ADAMTSL1: variants seen among roughly 807,000 people sequenced by gnomAD.
ADAMTSL1 encodes ADAMTS like 1.
In ADAMTSL1, 126 loss-of-function variants were observed where a neutral mutation model predicts 201.8. The ratio of observed to expected loss-of-function variants is 0.62; its 90% CI spans 0.54 to 0.72. The LOEUF is 0.72. Among genes scored for constraint, ADAMTSL1 ranks in the 30% least tolerant of loss-of-function variants. ADAMTSL1 has a pLI of 0.00. For synonymous variants in ADAMTSL1, 1,121 were observed against 903.4 expected (o/e 1.24, Z -4.32); for missense variants, 2,679 against 2,277.8 (o/e 1.18, Z -3.59).
intron 2 of ADAMTSL1, among the ~76,000 whole-genome samples, chr9:18,378,631 C>A (rs1204193431): frequency 2.6e-5 from 4 of 152,132 alleles, no homozygotes; most frequent in Non-Finnish European, 5.9e-5. Flanking sequence ...CCTTTCTCCT[C>A]CTCTACCTAC....
At chr9:18,236,621 TAAAAG>T (rs1200002525) in intron 2 of ADAMTSL1, among the ~76,000 whole-genome samples, 6 of 152,198 alleles carry the variant, frequency 3.9e-5, no homozygotes, top group Admixed American at 3.9e-4. Flanking sequence ...TTTAGGTTGT[TAAAAG>T]AGATAAGCTG....
intron 1 of ADAMTSL1, among the ~76,000 whole-genome samples, chr9:18,486,924 A>G (rs1822025143): frequency 6.6e-6 from 1 of 152,190 alleles, no homozygotes; most frequent in Admixed American, 6.5e-5. Flanking sequence ...GAATCTTTAC[A>G]TGGGATGCCA....
intron 1 of ADAMTSL1, among the ~76,000 whole-genome samples, chr9:17,994,915 T>C (rs1033147632): frequency 3.3e-5 from 5 of 152,176 alleles, no homozygotes; most frequent in Non-Finnish European, 7.4e-5. Flanking sequence ...CCTCGCCCTT[T>C]ACAGGACCCA....
At chr9:18,802,480 T>A (rs1164098306) in intron 20 of ADAMTSL1, among the ~76,000 whole-genome samples, 1 of 152,224 alleles carries the variant, frequency 6.6e-6, no homozygotes, top group Non-Finnish European at 1.5e-5. Flanking sequence ...CAGTATATGG[T>A]TCTTTATTTC....
At chr9:18,177,473 T>C (rs1828221410) in intron 2 of ADAMTSL1, among the ~76,000 whole-genome samples, 1 of 152,066 alleles carries the variant, frequency 6.6e-6, no homozygotes, top group Admixed American at 6.5e-5. Flanking sequence ...GGCGTGAAAA[T>C]AGACATTTGT....
chr9:18,313,835 G>A (rs1028493393), intron 2 of ADAMTSL1, among the ~76,000 whole-genome samples: 2 of 152,006 alleles, frequency 1.3e-5, no homozygotes, highest in African/African-American at 4.8e-5. Context: ...ATAAATGGTA[G>A]GTTTACATTA....
intron 14 of ADAMTSL1, among the ~76,000 whole-genome samples, chr9:18,716,150 G>A (rs932611198): frequency 2.6e-5 from 4 of 151,612 alleles, no homozygotes; most frequent in Admixed American, 1.3e-4. Context: ...GAAAACCTAG[G>A]CATTACCATT....
intron 2 of ADAMTSL1, among the ~76,000 whole-genome samples, chr9:18,532,539 T>A (rs1819507378): frequency 6.6e-6 from 1 of 152,080 alleles, no homozygotes; most frequent in Non-Finnish European, 1.5e-5. Flanking sequence ...CAAAATGGTG[T>A]TTTTAAAGTT....
Position 18,910,414 on chromosome 9 carries a change from C to T in ADAMTSL1, c.*1866C>T, listed in dbSNP as rs1404256961. On this transcript the variant is annotated 3_prime_UTR_variant, in exon 29 of 29. Coordinates refer to ENST00000380548, the MANE Select transcript of ADAMTSL1 (RefSeq NM_001040272.6). The stretch of plus-strand genomic sequence containing the variant: ...TGGGGGGACTTTATTAACTAACTTC[C>T]TGCAGTTGTGTTCCTGTAAACTCAG... 6.8e-6 allele frequency: 1 copy of T among 147,534 alleles called. No individual in the cohort carries two copies. The highest frequency in any genetic ancestry group is 1.5e-5 in the Non-Finnish European group (1 of 66,610). 9.1% of individuals were successfully genotyped at this position (147,534 alleles called of 1,614,324 possible). A position where few individuals can be genotyped will look rare whatever the true frequency, so the allele number is the denominator to read the frequency against.
At chr9:18,166,160 A>G (rs1301726879) in intron 2 of ADAMTSL1, among the ~76,000 whole-genome samples, 1 of 151,898 alleles carries the variant, frequency 6.6e-6, no homozygotes, top group Non-Finnish European at 1.5e-5. Context: ...ATTTATGCAC[A>G]CGTTTCACCT....
chr9:18,033,525 A>G (rs1047065319), intron 1 of ADAMTSL1, among the ~76,000 whole-genome samples: 1 of 152,228 alleles, frequency 6.6e-6, no homozygotes, highest in African/African-American at 2.4e-5. Context: ...CTCATCTAAA[A>G]AACTGAAAAA....
chr9:18,866,039 T>C (rs1827513580), intron 23 of ADAMTSL1, among the ~76,000 whole-genome samples: 1 of 149,814 alleles, frequency 6.7e-6, no homozygotes, highest in Non-Finnish European at 1.5e-5. Flanking sequence ...CTCTCAAAGG[T>C]GTGGAATACA....
intron 1 of ADAMTSL1, among the ~76,000 whole-genome samples, chr9:17,925,856 T>A (rs1196398764): frequency 1.4e-5 from 2 of 148,030 alleles, no homozygotes; most frequent in African/African-American, 2.5e-5. Context: ...AAAGTATAAT[T>A]AAAAAAAAAA....
Position 18,639,247 on chromosome 9 carries a change from C to G in ADAMTSL1, c.677-7C>G, listed in dbSNP as rs1402312615. The G allele has an allele frequency of 6.2e-7, 1 of 1,612,104 alleles. No individual in the cohort carries two copies. Among genetic ancestry groups the G allele is most frequent in the African/African-American group, 1.3e-5 (1 of 74,820 alleles). The stretch of plus-strand genomic sequence containing the variant: ...TTTCTCTCATCTTCACGTGTTTGAT[C>G]ATATAGATCTGGAAACCAAAACCCT... On this transcript the variant is annotated splice_region_variant and splice_polypyrimidine_tract_variant and intron_variant, in intron 6 of 28. Transcript: ENST00000380548.
At chr9:18,178,567 G>A (rs902414325) in intron 2 of ADAMTSL1, among the ~76,000 whole-genome samples, 1 of 151,920 alleles carries the variant, frequency 6.6e-6, no homozygotes, top group Non-Finnish European at 1.5e-5. Context: ...CTCCACCTCT[G>A]GGGGCAGGGC....
At chr9:17,907,388 T>A (rs1825757727) in intron 1 of ADAMTSL1, among the ~76,000 whole-genome samples, 1 of 152,166 alleles carries the variant, frequency 6.6e-6, no homozygotes, top group African/African-American at 2.4e-5. Flanking sequence ...CCTAGTGAAC[T>A]TCTGACACTG....
At chr9:18,599,996 CAA>C (rs57914274) in intron 4 of ADAMTSL1, among the ~76,000 whole-genome samples, 19,025 of 87,094 alleles carry the variant, frequency 0.22, 1,068 homozygotes, top group East Asian at 0.41. Context: ...ACTAAAAATA[CAA>C]AAAAAAAAAA....
intron 3 of ADAMTSL1, among the ~76,000 whole-genome samples, chr9:18,549,873 C>A (rs1820694309): frequency 2.0e-5 from 3 of 151,896 alleles, no homozygotes; most frequent in African/African-American, 7.2e-5. Flanking sequence ...AGCCTGGTTC[C>A]TGTGAGAAAT....
chr9:18,641,399 G>A (rs1177782930), intron 7 of ADAMTSL1, among the ~76,000 whole-genome samples: 2 of 152,052 alleles, frequency 1.3e-5, no homozygotes, highest in Non-Finnish European at 2.9e-5. Flanking sequence ...TTTAAATAGA[G>A]CAGATGCTGA....
Sources: gnomAD v4.1 joint callset for allele counts (sites outside exome capture counted in the v4.1 genomes callset) on GRCh38, gnomAD v4.1.1 for gene constraint, MANE v1.5 for transcripts, NCBI Gene and HGNC (gene_info 2026-07-23, HGNC 2026-07-21) for gene names.